Variants in LUZP2 observed in about 807,000 individuals in gnomAD.
The protein encoded by LUZP2 is leucine zipper protein 2.
A neutral mutation model predicts 51.6 loss-of-function variants in LUZP2; 52 were observed. The ratio of observed to expected loss-of-function variants is 1.01; its 90% CI spans 0.81 to 1.27. The LOEUF is 1.27. LUZP2 is among the 50% of genes most tolerant of loss of function. LUZP2 has a pLI of 0.00. For missense variants in LUZP2, 436 were observed against 395.4 expected, an observed-to-expected ratio of 1.10 and a Z score of -0.87; for synonymous variants, 154 against 137.3, an observed-to-expected ratio of 1.12 and a Z score of -0.85.
chr11:24,892,838 G>C (rs1434511912), intron 5 of LUZP2: 1 of 152,122 alleles, frequency 6.6e-6, no homozygotes, highest in Non-Finnish European at 1.5e-5. Context: ...AGAGATGACA[G>C]GTTAATGAGT....
At chr11:25,019,449 C>G (rs1044486551) in intron 9 of LUZP2, among the ~76,000 whole-genome samples, 5 of 152,038 alleles carry the variant, frequency 3.3e-5, no homozygotes, top group African/African-American at 9.6e-5. Flanking sequence ...ATACCATTGT[C>G]TTATAGATAC....
intron 1 of LUZP2, among the ~76,000 whole-genome samples, chr11:24,555,446 C>T (rs1406268656): frequency 6.6e-6 from 1 of 152,128 alleles, no homozygotes; most frequent in African/African-American, 2.4e-5. Context: ...CACCTATCAG[C>T]CATCTTTATT....
chr11:24,626,189 T>C (rs1347706854), intron 1 of LUZP2, among the ~76,000 whole-genome samples: 1 of 152,062 alleles, frequency 6.6e-6, no homozygotes, highest in Non-Finnish European at 1.5e-5. Context: ...ATCTCAACTG[T>C]CTTCTTCCAG....
chr11:24,577,279 T>G (rs1286017891), intron 1 of LUZP2, among the ~76,000 whole-genome samples: 4 of 152,270 alleles, frequency 2.6e-5, no homozygotes, highest in African/African-American at 7.2e-5. Flanking sequence ...TATGACTTCA[T>G]GAAAACTGTA....
intron 9 of LUZP2, among the ~76,000 whole-genome samples, chr11:24,995,009 GT>G (rs2133932000): frequency 6.6e-6 from 1 of 152,050 alleles, no homozygotes; most frequent in South Asian, 2.1e-4. Flanking sequence ...ACCATAAAAC[GT>G]TTTATTTTCA....
intron 1 of LUZP2, among the ~76,000 whole-genome samples, chr11:24,534,354 T>C (rs1851104309): frequency 6.6e-6 from 1 of 151,258 alleles, no homozygotes; most frequent in African/African-American, 2.4e-5. Flanking sequence ...ACAAGCTCTT[T>C]CTATATATTT....
intron 5 of LUZP2, among the ~76,000 whole-genome samples, chr11:24,789,654 A>C (rs1387610077): frequency 6.6e-6 from 1 of 152,198 alleles, no homozygotes; most frequent in African/African-American, 2.4e-5. Flanking sequence ...AACAACAGAA[A>C]TTGATTTCTC....
chr11:24,675,887 C>T (rs913576519), intron 1 of LUZP2, among the ~76,000 whole-genome samples: 4 of 151,636 alleles, frequency 2.6e-5, no homozygotes, highest in African/African-American at 9.7e-5. Flanking sequence ...GGTGCGATCT[C>T]GGCTCACTGC....
At chr11:24,766,102 T>A (rs1021129077) in intron 5 of LUZP2, among the ~76,000 whole-genome samples, 3 of 152,158 alleles carry the variant, frequency 2.0e-5, no homozygotes, top group African/African-American at 4.8e-5. Flanking sequence ...CTATTTCCAG[T>A]TACCTATATC....
At chr11:24,893,900 G>T (rs1852937714) in intron 5 of LUZP2, among the ~76,000 whole-genome samples, 1 of 152,036 alleles carries the variant, frequency 6.6e-6, no homozygotes. Flanking sequence ...ATCCATCCAG[G>T]AGACTAATTA....
At chr11:24,963,666 G>C (rs1237009118) in intron 7 of LUZP2, among the ~76,000 whole-genome samples, 4 of 152,134 alleles carry the variant, frequency 2.6e-5, no homozygotes, top group African/African-American at 7.2e-5. Flanking sequence ...GGTGCTGTCT[G>C]TCACCCCTTT....
intron 1 of LUZP2, among the ~76,000 whole-genome samples, chr11:24,701,965 G>A (rs1306813694): frequency 6.6e-6 from 1 of 152,072 alleles, no homozygotes; most frequent in African/African-American, 2.4e-5. Context: ...TTGTTTTTCA[G>A]TTGCATTGTT....
rs1859162854 is a variant in LUZP2, at chr11:24,741,903, T to A, written c.333+3601T>A. Among the ~76,000 whole-genome samples, 4 of 135,770 alleles carry A rather than the reference T, an allele frequency of 2.9e-5. No homozygotes were observed. In the South Asian group the frequency reaches 6.6e-4, roughly 22 times the overall value. 89.1% of individuals were successfully genotyped at this position (135,770 alleles called of 152,430 possible). A position where few individuals can be genotyped will look rare whatever the true frequency, so the allele number is the denominator to read the frequency against. On this transcript the variant is annotated intron_variant, in intron 4 of 11. Transcript: ENST00000336930. ...AATATATATTTATATACATATATAT[T>A]TCTATATAATATATACATTTATATA...
intron 1 of LUZP2, among the ~76,000 whole-genome samples, chr11:24,696,658 G>A (rs767598380): frequency 6.6e-6 from 1 of 152,054 alleles, no homozygotes; most frequent in Non-Finnish European, 1.5e-5. Flanking sequence ...AGAAAAAAAG[G>A]TATAACTTTG....
chr11:24,828,981 C>T (rs992249698), intron 5 of LUZP2, among the ~76,000 whole-genome samples: 3 of 152,070 alleles, frequency 2.0e-5, no homozygotes, highest in Non-Finnish European at 4.4e-5. Context: ...AGGACAAGGA[C>T]GTTGATATGT....
At chr11:24,942,106 T>G (rs979660385) in intron 7 of LUZP2, among the ~76,000 whole-genome samples, 2 of 152,216 alleles carry the variant, frequency 1.3e-5, no homozygotes, top group Non-Finnish European at 2.9e-5. Flanking sequence ...TTTGTTTCCC[T>G]GTTAGCTAAC....
rs1362730287 is a variant in LUZP2 at position 25,061,141 on chromosome 11, A to G, written c.858+11011A>G. On this transcript the variant is annotated intron_variant, in intron 10 of 11. Coordinates refer to ENST00000336930, the MANE Select transcript of LUZP2 (RefSeq NM_001009909.4). ...TCAAATTCATTTGTACATGACTCCA[A>G]AGCTTATTCTTCCTGCCTTACTGTG... Among the ~76,000 whole-genome samples, 10 of 152,226 alleles carry G rather than the reference A, an allele frequency of 6.6e-5. No individual in the cohort carries two copies. In the East Asian group the frequency reaches 1.9e-3, roughly 29 times the overall value.
intron 1 of LUZP2, among the ~76,000 whole-genome samples, chr11:24,619,140 T>G (rs754985355): frequency 9.2e-5 from 14 of 152,066 alleles, no homozygotes; most frequent in Admixed American, 2.0e-4. Flanking sequence ...GCTATCCCCC[T>G]GCTTCAGCTT....
In LUZP2 at chr11:24,815,042, ATATTAT is replaced by A. The variant is rs950012478; in HGVS notation, c.396+51740_396+51745del. 3.1e-3 allele frequency among the ~76,000 whole-genome samples: 471 copies of A among 151,894 alleles called. 3 individuals carry two copies. The highest frequency in any genetic ancestry group is 0.011 in the African/African-American group (453 of 41,476). ...CAATGTGAAAGCAAAATTGATTATTATATTATTATTAAGTAGAATGTCCTATACTAT... is the reference window on the plus strand; with the variant it reads ...CAATGTGAAAGCAAAATTGATTATTATATTAAGTAGAATGTCCTATACTAT... On this transcript the variant is annotated intron_variant, in intron 5 of 11. Transcript: ENST00000336930.
Sources: allele counts gnomAD v4.1 joint callset (sites outside exome capture counted in the v4.1 genomes callset), GRCh38; gene constraint gnomAD v4.1.1; transcripts MANE v1.5; gene names NCBI Gene and HGNC (gene_info 2026-07-23, HGNC 2026-07-21).